Variants in SMAD3 observed in about 807,000 individuals in gnomAD.
SMAD3 encodes MAD homolog 3.
SMAD3 carries 12 observed loss-of-function variants against 51.8 expected under a neutral mutation model. That is an observed-to-expected ratio of 0.23 (90% confidence interval 0.15 to 0.38). The LOEUF is 0.38. Among genes scored for constraint, SMAD3 ranks in the 10% least tolerant of loss-of-function variants. The probability of loss-of-function intolerance (pLI) is 1.00; values close to 1 mark genes in which losing one functional copy is unlikely to be tolerated. For missense variants in SMAD3, 294 were observed against 565.6 expected, an observed-to-expected ratio of 0.52 and a Z score of 4.87; for synonymous variants, 238 against 227.7, an observed-to-expected ratio of 1.05 and a Z score of -0.41.
At chr15:67,083,754 G>A (rs1451187747) in intron 1 of SMAD3, among the ~76,000 whole-genome samples, 1 of 152,192 alleles carries the variant, frequency 6.6e-6, no homozygotes, top group Non-Finnish European at 1.5e-5. Flanking sequence ...GAAATTGAAT[G>A]TTTGCCATTT....
intron 7 of SMAD3, chr15:67,187,031 C>G (rs533142551): frequency 8.0e-6 from 4 of 501,396 alleles, no homozygotes; most frequent in African/African-American, 1.9e-5. Context: ...AAAGGCCCCC[C>G]TCTCCACACC....
chr15:67,153,828 C>A (rs757852001), intron 1 of SMAD3, among the ~76,000 whole-genome samples: 4 of 152,222 alleles, frequency 2.6e-5, no homozygotes, highest in Non-Finnish European at 4.4e-5. Flanking sequence ...TTGAAAAGTT[C>A]TTGGTGTCTG....
At chr15:67,172,068 C>G (rs1426928045) in intron 5 of SMAD3, among the ~76,000 whole-genome samples, 1 of 152,170 alleles carries the variant, frequency 6.6e-6, no homozygotes, top group Non-Finnish European at 1.5e-5. Context: ...GTGGCTGATG[C>G]CGGACACGGT....
In SMAD3 at chr15:67,113,076, G is replaced by GTGTATATA. The variant is rs763595789; in HGVS notation, c.206+46717_206+46718insGTATATAT. 3.3e-3 allele frequency among the ~76,000 whole-genome samples: 117 copies of GTGTATATA among 34,948 alleles called. 16 individuals are homozygous for GTGTATATA. The highest frequency in any genetic ancestry group is 4.5e-3 in the Non-Finnish European group (78 of 17,366). 22.9% of individuals were successfully genotyped at this position (34,948 alleles called of 152,430 possible). Reference sequence around the variant, plus strand: ...CAACTTTTAAAATATATATATATGTGTATATATATATATATATATTTTTTT... The same window carrying GTGTATATA: ...CAACTTTTAAAATATATATATATGTGTGTATATATATATATATATATATATATTTTTTT... On this transcript the variant is annotated intron_variant, in intron 1 of 8. Transcript: ENST00000327367.
chr15:67,094,812 A>C (rs1960581689), intron 1 of SMAD3, among the ~76,000 whole-genome samples: 1 of 90,284 alleles, frequency 1.1e-5, no homozygotes, highest in Non-Finnish European at 2.2e-5. Flanking sequence ...GAGCGTTTGG[A>C]GTCAAGAGTT....
chr15:67,065,740 A>T lies in SMAD3; in HGVS notation c.-415A>T. The T allele has an allele frequency of 5.0e-6, 1 of 198,988 alleles. No homozygotes were observed. Among genetic ancestry groups the T allele is most frequent in the Non-Finnish European group, 1.0e-5 (1 of 96,094 alleles). 12.3% of individuals were successfully genotyped at this position (198,988 alleles called of 1,614,324 possible). The stretch of plus-strand genomic sequence containing the variant: ...GCCGCAGAGGCGGAGGGATCTGCGC[A>T]TCAAAGCTAGCGAGGCGAGCGAAGT... On this transcript the variant is annotated 5_prime_UTR_variant, in exon 1 of 9. Transcript: ENST00000327367.
chr15:67,084,835 A>G (rs1225761684), intron 1 of SMAD3, among the ~76,000 whole-genome samples: 2 of 152,206 alleles, frequency 1.3e-5, no homozygotes, highest in African/African-American at 4.8e-5. Flanking sequence ...ACAGGAAGGA[A>G]GGGAAACGTG....
intron 1 of SMAD3, among the ~76,000 whole-genome samples, chr15:67,132,923 C>T (rs1385930652): frequency 2.0e-5 from 3 of 152,176 alleles, no homozygotes; most frequent in Admixed American, 2.0e-4. Flanking sequence ...TAAAACAGCC[C>T]ACCATGAAGC....
chr15:67,066,236 G>C lies in SMAD3; in HGVS notation c.82G>C (p.Glu28Gln). ...WKKGEQNGQE[E>Q]KWCEKAVKSL... is the part of the protein sequence containing the mutation. ...GAAGGGCGAGCAGAACGGGCAGGAG[G>C]AGAAATGGTGCGAGAAGGCGGTCAA... Residue 28 changes from glutamate to glutamine, a missense_variant, in exon 1 of 9, where the codon GAG becomes CAG. Physicochemically the swap from Glu to Gln is conservative, Grantham distance 29. This residue lies in a region of SMAD3 where 147 missense variants were observed against 260.9 expected (regional missense o/e 0.56). Transcript: ENST00000327367. 1.2e-6 allele frequency: 2 copies of C among 1,613,678 alleles called. No homozygotes were observed. Among genetic ancestry groups the C allele is most frequent in the Non-Finnish European group, 1.7e-6 (2 of 1,179,844 alleles).
At chr15:67,112,154 C>CTTTTTTTTTTTTTTTT (rs753530213) in intron 1 of SMAD3, among the ~76,000 whole-genome samples, 5 of 90,426 alleles carry the variant, frequency 5.5e-5, no homozygotes, top group Admixed American at 1.5e-4. Flanking sequence ...TTTTTCTTTC[C>CTTTTTTTTTTTTTTTT]TTTTTTTTTT....
At chr15:67,113,643 G>A (rs948886995) in intron 1 of SMAD3, among the ~76,000 whole-genome samples, 10 of 152,148 alleles carry the variant, frequency 6.6e-5, no homozygotes, top group Non-Finnish European at 1.5e-4. Context: ...GGGTAAAATG[G>A]AAATGTGACT....
Position 67,191,247 on chromosome 15 carries a change from T to A in SMAD3, c.*711T>A. The A allele has an allele frequency of 4.3e-6, 1 of 233,672 alleles. No homozygotes were observed. Among genetic ancestry groups the A allele is most frequent in the South Asian group, 1.8e-4 (1 of 5,530 alleles). The allele number at this position is 233,672 out of a possible 1,614,324, so 14.5% of individuals were successfully genotyped here. ...AAAACTCACTTACGTTTGTCCTTTT[T>A]CACTTTGAAAAGTTGGAAGGATCTG... is the stretch of plus-strand genomic sequence containing the variant. On this transcript the variant is annotated 3_prime_UTR_variant, in exon 9 of 9. Transcript: ENST00000327367.
In SMAD3 at chr15:67,128,458, C is replaced by T. The variant is rs1314209949; in HGVS notation, c.207-36437C>T. On this transcript the variant is annotated intron_variant, in intron 1 of 8. Transcript: ENST00000327367. ...TGGGGTTCTTGAAGGATTAAAAGAG[C>T]TGGTGTGTGTAAAACCCAGGAACAT... Among the ~76,000 whole-genome samples the T allele has an allele frequency of 3.9e-5, 6 of 152,180 alleles. No homozygotes were observed. The East Asian group carries it at 1.2e-3, about 29-fold the overall frequency.
intron 1 of SMAD3, among the ~76,000 whole-genome samples, chr15:67,084,185 C>T (rs1469242810): frequency 2.8e-5 from 4 of 145,366 alleles, no homozygotes; most frequent in Non-Finnish European, 6.0e-5. Context: ...ATGCTATTCT[C>T]CTGCCTCAGC....
At position 67,130,976 on chromosome 15, in the gene SMAD3, A is replaced by G. The variant is rs118097569; in HGVS notation, c.207-33919A>G. On this transcript the variant is annotated intron_variant, in intron 1 of 8. Coordinates refer to ENST00000327367, the MANE Select transcript of SMAD3 (RefSeq NM_005902.4). ...CTGTGTTCTACCTGCCACGCTGGGA[A>G]TGCTAAGTACTTCTCAAGCCTTCAA... Among the ~76,000 whole-genome samples, 185 of 152,280 alleles carry G rather than the reference A, an allele frequency of 1.2e-3. 1 individual carries two copies. Among genetic ancestry groups the G allele is most frequent in the East Asian group, 0.011 (56 of 5,174 alleles).
intron 1 of SMAD3, among the ~76,000 whole-genome samples, chr15:67,083,213 C>T (rs544575833): frequency 6.6e-6 from 1 of 152,388 alleles, no homozygotes; most frequent in African/African-American, 2.4e-5. Context: ...AAGTTCACCA[C>T]TCATAGAGCG....
chr15:67,171,996 T>A (rs2140302752), intron 5 of SMAD3, among the ~76,000 whole-genome samples: 1 of 152,312 alleles, frequency 6.6e-6, no homozygotes, highest in African/African-American at 2.4e-5. Context: ...GCACTTTTAG[T>A]CAACAGCCTT....
At chr15:67,152,600 A>G (rs1309517280) in intron 1 of SMAD3, among the ~76,000 whole-genome samples, 1 of 152,194 alleles carries the variant, frequency 6.6e-6, no homozygotes, top group African/African-American at 2.4e-5. Context: ...AGTATGCTGA[A>G]TGGGTCCATG....
chr15:67,066,404 C>T (rs1959919151), intron 1 of SMAD3, 44 bp downstream of exon 1: 4 of 1,534,378 alleles, frequency 2.6e-6, no homozygotes, highest in Non-Finnish European at 3.6e-6. Flanking sequence ...GCCGGCCCAG[C>T]CCCCTGGCAC....
Sources: allele counts gnomAD v4.1 joint callset (sites outside exome capture counted in the v4.1 genomes callset), GRCh38; gene constraint gnomAD v4.1.1; regional missense constraint gnomAD v4.1.1; transcripts MANE v1.5; gene names NCBI Gene and HGNC (gene_info 2026-07-23, HGNC 2026-07-21).